TENM2: variants seen among roughly 807,000 people sequenced by gnomAD.
TENM2 encodes the protein teneurin transmembrane protein 2, also known as teneurin-2.
Under a neutral mutation model 245.2 loss-of-function variants are expected in TENM2, and 52 were observed. The observed-to-expected ratio is 0.21, with a 90% CI of 0.17 to 0.27. TENM2 has a LOEUF of 0.27. Among genes scored for constraint, TENM2 ranks in the 10% least tolerant of loss-of-function variants. The pLI is 1.00. For synonymous variants in TENM2, 1,363 were observed against 1,438.9 expected (o/e 0.95, Z 1.19); for missense variants, 3,046 against 3,666.8 (o/e 0.83, Z 4.37).
At chr5:167,927,484 A>AACGG (rs888188223) in intron 3 of TENM2, among the ~76,000 whole-genome samples, 1 of 152,190 alleles carries the variant, frequency 6.6e-6, no homozygotes, top group African/African-American at 2.4e-5. Flanking sequence ...CAGGGACACC[A>AACGG]ACGGGGCTTA....
At chr5:167,784,142 ATGG>A (rs1764402260) in intron 2 of TENM2, among the ~76,000 whole-genome samples, 1 of 152,212 alleles carries the variant, frequency 6.6e-6, no homozygotes, top group African/African-American at 2.4e-5. Flanking sequence ...AGTTGTAAGC[ATGG>A]GTGCTAGAGT....
chr5:167,577,856 C>T (rs1774816225), intron 2 of TENM2, among the ~76,000 whole-genome samples: 2 of 152,278 alleles, frequency 1.3e-5, no homozygotes, highest in African/African-American at 4.8e-5. Context: ...CGCCAAACAG[C>T]CTACTGGACT....
At chr5:167,065,044 G>A in the TENM2 span, among the ~76,000 whole-genome samples, 11 of 151,938 alleles carry the variant, frequency 7.2e-5, no homozygotes, top group Admixed American at 5.9e-4. Flanking sequence ...AGTTCATGTC[G>A]GTAAGACTAA....
At position 167,776,593 on chromosome 5, in the gene TENM2, G is replaced by GGAAAAAAAAAAAAAA. The variant is rs1437587032; in HGVS notation, c.503-99393_503-99392insGAAAAAAAAAAAAAA. On this transcript the variant is annotated intron_variant, in intron 2 of 28. Transcript: ENST00000518659. ...TTGGGCAGCAGATGAGACCCTGTCT[G>GGAAAAAAAAAAAAAA]AAAAAAAAAAAAAAAAAAAAAAAAA... Among the ~76,000 whole-genome samples the GGAAAAAAAAAAAAAA allele has an allele frequency of 3.3e-4, 12 of 36,026 alleles. 2 individuals are homozygous for GGAAAAAAAAAAAAAA. The highest frequency in any genetic ancestry group is 9.6e-4 in the African/African-American group (11 of 11,440). 23.6% of individuals were successfully genotyped at this position (36,026 alleles called of 152,430 possible). A position where few individuals can be genotyped will look rare whatever the true frequency, so the allele number is the denominator to read the frequency against.
chr5:167,132,247 C>T, the TENM2 span, among the ~76,000 whole-genome samples: 4 of 152,140 alleles, frequency 2.6e-5, no homozygotes, highest in Non-Finnish European at 5.9e-5. Flanking sequence ...TATGCGTACA[C>T]CTATGTAACC....
intron 5 of TENM2, among the ~76,000 whole-genome samples, chr5:168,026,924 T>C (rs1045682145): frequency 1.3e-5 from 2 of 152,090 alleles, no homozygotes; most frequent in Non-Finnish European, 2.9e-5. Flanking sequence ...ATTAATCACT[T>C]CACAACCATT....
intron 2 of TENM2, among the ~76,000 whole-genome samples, chr5:167,473,024 T>TA (rs1209037371): frequency 2.0e-5 from 3 of 151,300 alleles, no homozygotes; most frequent in Admixed American, 6.6e-5. Flanking sequence ...TACACTCAGT[T>TA]AAAAAAAAAG....
chr5:167,422,679 C>T (rs139743455), intron 2 of TENM2, among the ~76,000 whole-genome samples: 16 of 152,280 alleles, frequency 1.1e-4, no homozygotes, highest in African/African-American at 3.8e-4. Context: ...TATTTGATGT[C>T]TATTTCCAAA....
chr5:168,212,281 A>G (rs903074165), intron 20 of TENM2, among the ~76,000 whole-genome samples: 4 of 152,158 alleles, frequency 2.6e-5, no homozygotes, highest in Non-Finnish European at 5.9e-5. Context: ...TCACTTTTGA[A>G]TAGTTTGAAG....
the TENM2 span, among the ~76,000 whole-genome samples, chr5:167,028,902 G>A: frequency 0.036 from 5,530 of 151,920 alleles, 136 homozygotes; most frequent in Non-Finnish European, 0.049. Context: ...CTAAATTTTC[G>A]AACTTATTAG....
chr5:167,897,771 TATAG>T (rs1775335266), intron 3 of TENM2, among the ~76,000 whole-genome samples: 1 of 152,024 alleles, frequency 6.6e-6, no homozygotes, highest in African/African-American at 2.4e-5. Context: ...TATACAGATA[TATAG>T]ATATATAGAT....
At chr5:167,906,204 T>A (rs1313730877) in intron 3 of TENM2, among the ~76,000 whole-genome samples, 1 of 152,098 alleles carries the variant, frequency 6.6e-6, no homozygotes, top group Non-Finnish European at 1.5e-5. Context: ...TAAAATAAAA[T>A]AAAAACCCTC....
intron 25 of TENM2, among the ~76,000 whole-genome samples, chr5:168,243,937 GT>G (rs1170318631): frequency 2.1e-3 from 263 of 125,520 alleles, no homozygotes; most frequent in East Asian, 5.9e-3. Flanking sequence ...CTTTTCTTTG[GT>G]TTTTTTTTTT....
the TENM2 span, among the ~76,000 whole-genome samples, chr5:167,246,877 C>G: frequency 6.6e-6 from 1 of 151,940 alleles, no homozygotes; most frequent in East Asian, 1.9e-4. Context: ...GAAAGCCCCC[C>G]TACTAACATC....
At chr5:167,868,124 T>C (rs1353106080) in intron 2 of TENM2, among the ~76,000 whole-genome samples, 1 of 152,204 alleles carries the variant, frequency 6.6e-6, no homozygotes, top group Non-Finnish European at 1.5e-5. Context: ...ATACTATCGA[T>C]ATTTGGGGCT....
At chr5:167,089,667 G>T in the TENM2 span, among the ~76,000 whole-genome samples, 1 of 152,014 alleles carries the variant, frequency 6.6e-6, no homozygotes, top group Admixed American at 6.6e-5. Context: ...GGATGTGTAT[G>T]CCAAAGATAT....
chr5:167,510,428 C>T (rs1006976706), intron 2 of TENM2, among the ~76,000 whole-genome samples: 1 of 152,120 alleles, frequency 6.6e-6, no homozygotes, highest in Non-Finnish European at 1.5e-5. Flanking sequence ...TAGAGCTCAC[C>T]TTATTCGCTT....
chr5:167,730,230 T>C (rs1334191349), intron 2 of TENM2, among the ~76,000 whole-genome samples: 3 of 152,204 alleles, frequency 2.0e-5, no homozygotes, highest in African/African-American at 7.2e-5. Context: ...CAAATAGTTG[T>C]AGGAAAGGGA....
intron 3 of TENM2, among the ~76,000 whole-genome samples, chr5:167,916,836 A>C (rs2151612985): frequency 6.6e-6 from 1 of 152,304 alleles, no homozygotes; most frequent in South Asian, 2.1e-4. Flanking sequence ...GGGTAAGCAA[A>C]ACCATCAGCC....
Sources: allele counts gnomAD v4.1 joint callset (sites outside exome capture counted in the v4.1 genomes callset), GRCh38; gene constraint gnomAD v4.1.1; transcripts MANE v1.5; gene names NCBI Gene and HGNC (gene_info 2026-07-23, HGNC 2026-07-21).